The following ZNF236 variants were observed in gnomAD, a reference collection of about 807,000 sequenced individuals.
ZNF236 encodes regulated by glucose.
ZNF236 carries 50 observed loss-of-function variants against 191.2 expected under a neutral mutation model. That is an observed-to-expected ratio of 0.26 (90% CI 0.21 to 0.33). The LOEUF (loss-of-function observed/expected upper bound fraction) is 0.33. ZNF236 is among the 10% of genes least tolerant of loss of function. The pLI is 1.00. For missense variants in ZNF236, 1,754 were observed against 2,374.5 expected (o/e 0.74, Z 5.43); for synonymous variants, 907 against 928.8 (o/e 0.98, Z 0.43).
intron 21 of ZNF236, among the ~76,000 whole-genome samples, chr18:76,923,575 TGCA>T (rs541811655): frequency 6.6e-6 from 1 of 152,224 alleles, no homozygotes; most frequent in Non-Finnish European, 1.5e-5. Context: ...GAGAAACTCT[TGCA>T]AAGGCAGAAA....
chr18:76,881,837 C>T (rs1218093843), intron 9 of ZNF236, among the ~76,000 whole-genome samples: 1 of 152,230 alleles, frequency 6.6e-6, no homozygotes, highest in Non-Finnish European at 1.5e-5. Context: ...TTAGGCGCCT[C>T]CTCTCCACTC....
intron 26 of ZNF236, among the ~76,000 whole-genome samples, chr18:76,944,551 C>T (rs1026368381): frequency 6.6e-6 from 1 of 151,962 alleles, no homozygotes; most frequent in Admixed American, 6.6e-5. Context: ...CAGGCCGAGG[C>T]GGGTGGATCA....
chr18:76,956,357 T>G (rs1968524984), intron 28 of ZNF236, among the ~76,000 whole-genome samples, 175 bp downstream of exon 28: 1 of 152,266 alleles, frequency 6.6e-6, no homozygotes, highest in African/African-American at 2.4e-5. Flanking sequence ...GTCTGCTTGC[T>G]GTACAGATGA....
rs987282921 is a variant in ZNF236 at position 76,894,462 on chromosome 18, A to G, written c.1418-551A>G. 1.2e-4 allele frequency among the ~76,000 whole-genome samples: 19 copies of G among 152,348 alleles called. No individual in the cohort carries two copies. In the Middle Eastern group the frequency reaches 0.01, roughly 82 times the overall value. ...AATTTGTGATTTTTTTTCTATTAGA[A>G]ATAGTTTTAAACTTGATTCAAAATT... On this transcript the variant is annotated intron_variant, in intron 9 of 30. Transcript: ENST00000320610.
At chr18:76,930,949 A>T (rs1967829349) in intron 25 of ZNF236, 1 of 152,214 alleles carries the variant, frequency 6.6e-6, no homozygotes, top group Admixed American at 6.5e-5. Context: ...TCATTTTTCC[A>T]TAAATTGTAC....
chr18:76,930,247 C>G (rs1487096882), intron 25 of ZNF236, among the ~76,000 whole-genome samples: 1 of 152,128 alleles, frequency 6.6e-6, no homozygotes, highest in African/African-American at 2.4e-5. Flanking sequence ...TCTCCTGTTT[C>G]TCTTTCTTTA....
At position 76,927,933 on chromosome 18, in the gene ZNF236, A is replaced by C; in HGVS notation, c.4421A>C (p.Gln1474Pro). The C allele has an allele frequency of 6.3e-7, 1 of 1,595,906 alleles. No individual in the cohort carries two copies. ...SVLTTNSSGT[Q>P]DLTQVMTSQG... ...GCTTTGTAATGACAATCAGGGACCC[A>C]AGACCTCACTCAAGTGATGACTTCG... Residue 1474 changes from glutamine (Q) to proline (P), a missense_variant, in exon 25 of 31, where the codon CAA (glutamine) becomes CCA (proline). By Grantham distance (76) the Gln-to-Pro change is moderately conservative. Coordinates refer to ENST00000320610, the MANE Select transcript of ZNF236 (RefSeq NM_001306089.2). The surrounding 1 kb of genome is among the most constrained non-coding windows in gnomAD (Gnocchi z 5.4).
chr18:76,838,987 G>C (rs147647197), intron 1 of ZNF236, among the ~76,000 whole-genome samples: 1 of 152,354 alleles, frequency 6.6e-6, no homozygotes, highest in East Asian at 1.9e-4. Context: ...AAACCATACA[G>C]ATTGTTTTCT....
intron 1 of ZNF236, among the ~76,000 whole-genome samples, chr18:76,845,602 G>C (rs1458620891): frequency 6.6e-6 from 1 of 152,074 alleles, no homozygotes; most frequent in Non-Finnish European, 1.5e-5. Flanking sequence ...TGTAATCCCA[G>C]CACTTTGGGA....
chr18:76,861,226 T>C (rs1976211600), intron 3 of ZNF236, among the ~76,000 whole-genome samples: 1 of 152,222 alleles, frequency 6.6e-6, no homozygotes, highest in South Asian at 2.1e-4. Context: ...CCTGGCAGGC[T>C]GGCGTATGTG....
At chr18:76,930,618 G>A (rs1967820012) in intron 25 of ZNF236, among the ~76,000 whole-genome samples, 1 of 152,206 alleles carries the variant, frequency 6.6e-6, no homozygotes, top group African/African-American at 2.4e-5. Flanking sequence ...AGAACACATA[G>A]GATAGGAACA....
intron 27 of ZNF236, among the ~76,000 whole-genome samples, chr18:76,954,353 G>A (rs181181106): frequency 2.3e-4 from 35 of 152,324 alleles, no homozygotes; most frequent in East Asian, 1.9e-3. Flanking sequence ...TCATTGCCAT[G>A]ACTACTGGTA....
chr18:76,867,955 AAT>A (rs1976462311), intron 3 of ZNF236, among the ~76,000 whole-genome samples: 1 of 152,162 alleles, frequency 6.6e-6, no homozygotes, highest in South Asian at 2.1e-4. Flanking sequence ...AGGAATTTAA[AAT>A]TTTCTAGTAG....
At chr18:76,944,541 C>A (rs1968211590) in intron 26 of ZNF236, among the ~76,000 whole-genome samples, 1 of 152,126 alleles carries the variant, frequency 6.6e-6, no homozygotes, top group East Asian at 1.9e-4. Flanking sequence ...CCTGTAATCG[C>A]AGGCCGAGGC....
intron 26 of ZNF236, among the ~76,000 whole-genome samples, chr18:76,939,572 C>A (rs777974117): frequency 2.6e-5 from 4 of 152,188 alleles, no homozygotes; most frequent in Non-Finnish European, 4.4e-5. Flanking sequence ...TCAAGGAACA[C>A]ACTTCAAATC....
intron 5 of ZNF236, among the ~76,000 whole-genome samples, chr18:76,874,481 G>T (rs941595477): frequency 6.6e-6 from 1 of 152,090 alleles, no homozygotes; most frequent in African/African-American, 2.4e-5. Context: ...TCTAGGTGCT[G>T]AAGAGCCGCA....
At chr18:76,905,549 A>G in intron 13 of ZNF236, 134 bp downstream of exon 13, 1 of 53,154 alleles carries the variant, frequency 1.9e-5, no homozygotes, top group Non-Finnish European at 2.6e-5. Context: ...GCTCAAGAAA[A>G]AAAAAAAAAA....
At chr18:76,906,421 G>C (rs1476765830) in intron 13 of ZNF236, among the ~76,000 whole-genome samples, 1 of 152,084 alleles carries the variant, frequency 6.6e-6, no homozygotes, top group Non-Finnish European at 1.5e-5. Context: ...TTGGGAACTG[G>C]GGAACTCGGG....
rs1304296886 is a variant in ZNF236 at position 76,972,209 on chromosome 18, G to A, written c.*3870G>A. 1.3e-5 allele frequency among the ~76,000 whole-genome samples: 2 copies of A among 152,154 alleles called. No individual in the cohort carries two copies. Among genetic ancestry groups the A allele is most frequent in the African/African-American group, 2.4e-5 (1 of 41,428 alleles). ...TTTCCCATATTCTAATGAAAAGATCGTACGCCAAAGGCCACTGAGCTGGCA... is the reference window on the plus strand; with the variant it reads ...TTTCCCATATTCTAATGAAAAGATCATACGCCAAAGGCCACTGAGCTGGCA... On this transcript the variant is annotated 3_prime_UTR_variant, in exon 31 of 31. Coordinates refer to ENST00000320610, the MANE Select transcript of ZNF236 (RefSeq NM_001306089.2).
Sources: allele counts gnomAD v4.1 joint callset (sites outside exome capture counted in the v4.1 genomes callset), GRCh38; gene constraint gnomAD v4.1.1; non-coding constraint Gnocchi (gnomAD v3.1); transcripts MANE v1.5; gene names NCBI Gene and HGNC (gene_info 2026-07-23, HGNC 2026-07-21).